The following KPNA5 variants were observed in gnomAD, a reference collection of about 807,000 sequenced individuals.
KPNA5 encodes importin subunit alpha-6.
A neutral mutation model predicts 71.3 loss-of-function variants in KPNA5; 46 were observed. That is an observed-to-expected ratio of 0.65 (90% confidence interval 0.51 to 0.83). The LOEUF is 0.83. Ranked by LOEUF, KPNA5 falls within the 40% of genes least tolerant of loss-of-function variation. KPNA5 has a pLI of 0.00. For missense variants in KPNA5, 547 were observed against 628.3 expected, an observed-to-expected ratio of 0.87 and a Z score of 1.38; for synonymous variants, 207 against 201.4, an observed-to-expected ratio of 1.03 and a Z score of -0.24.
chr6:116,703,660 C>T (rs1253857704), intron 6 of KPNA5, among the ~76,000 whole-genome samples: 1 of 152,056 alleles, frequency 6.6e-6, no homozygotes, highest in Admixed American at 6.6e-5. Context: ...TATTATATTC[C>T]ACAAGGTAGA....
In KPNA5 at chr6:116,716,440, T is replaced by G. The variant is rs1778892569; in HGVS notation, c.756+122T>G. On this transcript the variant is annotated intron_variant, in intron 8 of 13. Transcript: ENST00000368564. ...AGTAATTATTTTCTTTATTGACCAA[T>G]GTTTGCACATATACAGTATTCAAAA... 4.2e-6 allele frequency: 3 copies of G among 707,436 alleles called. No homozygotes were observed. In the Admixed American group the frequency reaches 8.2e-5, roughly 19 times the overall value. The allele number at this position is 707,436 out of a possible 1,614,324, so 43.8% of individuals were successfully genotyped here.
At chr6:116,723,017 A>G (rs1779170247) in intron 9 of KPNA5, among the ~76,000 whole-genome samples, 1 of 152,174 alleles carries the variant, frequency 6.6e-6, no homozygotes, top group Non-Finnish European at 1.5e-5. Context: ...ATGCAGGTTC[A>G]GCATGGGGGA....
intron 8 of KPNA5, 75 bp downstream of exon 8, chr6:116,716,393 TA>T (rs1778889755): frequency 5.3e-6 from 5 of 946,702 alleles, no homozygotes. Context: ...TTTTGATGTT[TA>T]AGGAACTCCA....
chr6:116,727,898 T>C (rs1409669261), intron 12 of KPNA5, among the ~76,000 whole-genome samples: 1 of 152,150 alleles, frequency 6.6e-6, no homozygotes, highest in Non-Finnish European at 1.5e-5. Flanking sequence ...GAAACTAGAC[T>C]TCTTAGAAAA....
At chr6:116,722,835 T>C (rs563098380) in intron 9 of KPNA5, among the ~76,000 whole-genome samples, 1 of 152,230 alleles carries the variant, frequency 6.6e-6, no homozygotes, top group Non-Finnish European at 1.5e-5. Context: ...TAAAAAGATG[T>C]TGTAACTTCA....
intron 7 of KPNA5, among the ~76,000 whole-genome samples, 200 bp downstream of exon 7, chr6:116,705,360 C>T (rs1269434620): frequency 6.6e-6 from 1 of 152,164 alleles, no homozygotes; most frequent in Non-Finnish European, 1.5e-5. Context: ...CCACACGTAA[C>T]AGTGGTCATT....
At chr6:116,700,667 T>A (rs778624670) in intron 5 of KPNA5, among the ~76,000 whole-genome samples, 21 of 152,210 alleles carry the variant, frequency 1.4e-4, no homozygotes, top group Non-Finnish European at 2.2e-4. Flanking sequence ...AAACAAGTTT[T>A]GTTGGCCTGA....
chr6:116,732,077 TATATATATATATA>T (rs537152792), intron 13 of KPNA5, 46 bp from the exon 14 acceptor site: 1,465 of 144,776 alleles, frequency 0.01, 134 homozygotes, highest in Admixed American at 0.03. Context: ...AGTTTGTTTA[TATATATATATATA>T]TATATATATA....
intron 7 of KPNA5, among the ~76,000 whole-genome samples, chr6:116,715,207 T>G (rs949918755): frequency 1.3e-5 from 2 of 152,092 alleles, no homozygotes; most frequent in African/African-American, 4.8e-5. Context: ...TCTTTGTACT[T>G]CTAGCAGGTT....
Position 116,732,333 on chromosome 6 carries a change from G to A in KPNA5, c.*10G>A. ...TGGATTTCAACTTTAACTTACTGGA[G>A]GAAAAAAAATTTATGGCTAAAAAGG... On this transcript the variant is annotated 3_prime_UTR_variant, in exon 14 of 14. Transcript: ENST00000368564. 2.7e-6 allele frequency: 4 copies of A among 1,461,056 alleles called. No homozygotes were observed. Among genetic ancestry groups the A allele is most frequent in the Middle Eastern group, 1.8e-4 (1 of 5,522 alleles). The allele number at this position is 1,461,056 out of a possible 1,614,324, so 90.5% of individuals were successfully genotyped here.
intron 4 of KPNA5, among the ~76,000 whole-genome samples, chr6:116,692,859 A>G (rs1246668859): frequency 2.6e-5 from 4 of 152,148 alleles, no homozygotes; most frequent in African/African-American, 9.7e-5. Context: ...AACATTAGTT[A>G]TATCTCCTAA....
rs112451826 is a variant in KPNA5 at position 116,740,158 on chromosome 6, A to G, written c.*7835A>G. 6.6e-6 allele frequency: 1 copy of G among 152,122 alleles called. No homozygotes were observed. The highest frequency in any genetic ancestry group is 2.4e-5 in the African/African-American group (1 of 41,432). 9.4% of individuals were successfully genotyped at this position (152,122 alleles called of 1,614,324 possible). On this transcript the variant is annotated 3_prime_UTR_variant, in exon 14 of 14. Transcript: ENST00000368564. Reference sequence around the variant, plus strand: ...ACTCAAACAAATTTACAAGAAAAAAACAACCCCATCAAAAAGTGGGTGAAG... The same window carrying G: ...ACTCAAACAAATTTACAAGAAAAAAGCAACCCCATCAAAAAGTGGGTGAAG...
In KPNA5 at chr6:116,732,428, GA is replaced by G. The variant is rs1779536594; in HGVS notation, c.*107del. On this transcript the variant is annotated 3_prime_UTR_variant, in exon 14 of 14. Coordinates refer to ENST00000368564, the MANE Select transcript of KPNA5 (RefSeq NM_001366306.2). Reference sequence around the variant, plus strand: ...GTTTTTTTACATAGAACAGTAAAGAGAATTTGATGCACTTTTAGAAAGCAAA... The same window carrying G: ...GTTTTTTTACATAGAACAGTAAAGAGATTTGATGCACTTTTAGAAAGCAAA... 1.1e-5 allele frequency: 6 copies of G among 530,952 alleles called. No homozygotes were observed. The South Asian group carries it at 3.0e-4, about 26-fold the overall frequency. The allele number at this position is 530,952 out of a possible 1,614,324, so 32.9% of individuals were successfully genotyped here. A position where few individuals can be genotyped will look rare whatever the true frequency, so the allele number is the denominator to read the frequency against.
rs561049062 is a variant in KPNA5, at chr6:116,734,005, C to G, written c.*1682C>G. 6 of 151,650 alleles carry G rather than the reference C, an allele frequency of 4.0e-5. No homozygotes were observed. The East Asian group carries it at 7.7e-4, about 20-fold the overall frequency. The allele number at this position is 151,650 out of a possible 1,614,324, so 9.4% of individuals were successfully genotyped here. A position where few individuals can be genotyped will look rare whatever the true frequency, so the allele number is the denominator to read the frequency against. ...CGTAATGCTGAGTGCATCTGCCAGCCCTTTTTTATTATTAAGTAGAAGATT... is the reference window on the plus strand; with the variant it reads ...CGTAATGCTGAGTGCATCTGCCAGCGCTTTTTTATTATTAAGTAGAAGATT... On this transcript the variant is annotated 3_prime_UTR_variant, in exon 14 of 14. Transcript: ENST00000368564.
rs996687770 is a variant in KPNA5, at chr6:116,729,554, A to T, written c.1254-9A>T. On this transcript the variant is annotated splice_polypyrimidine_tract_variant and intron_variant, in intron 12 of 13. Coordinates refer to ENST00000368564, the MANE Select transcript of KPNA5 (RefSeq NM_001366306.2). The stretch of plus-strand genomic sequence containing the variant: ...TTCCCTGTTTCTTCTCTTTTATATT[A>T]ATCTGAAGGTATTTGGTAGCTTTAG... 1.4e-6 allele frequency: 2 copies of T among 1,465,738 alleles called. No homozygotes were observed. The highest frequency in any genetic ancestry group is 4.5e-5 in the Admixed American group (2 of 44,816). 90.8% of individuals were successfully genotyped at this position (1,465,738 alleles called of 1,614,324 possible).
At position 116,739,559 on chromosome 6, in the gene KPNA5, G is replaced by C. The variant is rs1320766641; in HGVS notation, c.*7236G>C. On this transcript the variant is annotated 3_prime_UTR_variant, in exon 14 of 14. Coordinates refer to ENST00000368564, the MANE Select transcript of KPNA5 (RefSeq NM_001366306.2). ...TCGCCAAGTCAATCCTAAGCCAAAA[G>C]AACACAGCTGGAAGCATCACGCTAC... 2.6e-5 allele frequency: 4 copies of C among 152,128 alleles called. No individual in the cohort carries two copies. Among genetic ancestry groups the C allele is most frequent in the Admixed American group, 2.0e-4 (3 of 15,266 alleles). 9.4% of individuals were successfully genotyped at this position (152,128 alleles called of 1,614,324 possible). A position where few individuals can be genotyped will look rare whatever the true frequency, so the allele number is the denominator to read the frequency against.
intron 1 of KPNA5, among the ~76,000 whole-genome samples, chr6:116,684,102 A>G (rs919796520): frequency 5.3e-5 from 8 of 151,384 alleles, no homozygotes; most frequent in African/African-American, 1.9e-4. Context: ...CAGTAGAGAC[A>G]GGGTTTCACT....
At chr6:116,710,152 A>G (rs925232766) in intron 7 of KPNA5, among the ~76,000 whole-genome samples, 2 of 152,064 alleles carry the variant, frequency 1.3e-5, no homozygotes, top group African/African-American at 4.8e-5. Flanking sequence ...CATTATATTA[A>G]TATGGTTTAT....
rs997784239 is a variant in KPNA5, at chr6:116,736,715, C to T, written c.*4392C>T. The stretch of plus-strand genomic sequence containing the variant: ...TTCCAATTCCGCTTATATTAGTCTG[C>T]CTGAAATACTCACACAGCTTATTAA... On this transcript the variant is annotated 3_prime_UTR_variant, in exon 14 of 14. Transcript: ENST00000368564. 6.6e-6 allele frequency: 1 copy of T among 151,898 alleles called. No homozygotes were observed. Among genetic ancestry groups the T allele is most frequent in the Admixed American group, 6.6e-5 (1 of 15,186 alleles). 9.4% of individuals were successfully genotyped at this position (151,898 alleles called of 1,614,324 possible).
Sources: gnomAD v4.1 joint callset for allele counts (sites outside exome capture counted in the v4.1 genomes callset) on GRCh38, gnomAD v4.1.1 for gene constraint, MANE v1.5 for transcripts, NCBI Gene and HGNC (gene_info 2026-07-23, HGNC 2026-07-21) for gene names.